Variants in TMC7 observed in about 807,000 individuals in gnomAD.
TMC7 encodes the protein transmembrane channel like 7, also known as transmembrane channel-like protein 7.
A neutral mutation model predicts 82.9 loss-of-function variants in TMC7; 54 were observed. The observed-to-expected ratio is 0.65, with a 90% CI of 0.52 to 0.82. TMC7 has a LOEUF of 0.82. Ranked by LOEUF, TMC7 falls within the 40% of genes least tolerant of loss-of-function variation. The probability of loss-of-function intolerance (pLI) is 0.00; values close to 1 mark genes in which losing one functional copy is unlikely to be tolerated. For missense variants in TMC7, 820 were observed against 901.2 expected, an observed-to-expected ratio of 0.91 and a Z score of 1.15; for synonymous variants, 350 against 337.9, an observed-to-expected ratio of 1.04 and a Z score of -0.39.
At chr16:19,040,517 G>T in intron 9 of TMC7, 71 bp downstream of exon 9, 2 of 1,401,076 alleles carry the variant, frequency 1.4e-6, no homozygotes, top group South Asian at 2.6e-5. Context: ...GCCCATGGCA[G>T]ACATCGCTAA....
At chr16:18,995,103 C>T (rs1317302386) in intron 1 of TMC7, among the ~76,000 whole-genome samples, 4 of 152,132 alleles carry the variant, frequency 2.6e-5, no homozygotes, top group African/African-American at 7.2e-5. Context: ...TAAAATGTCT[C>T]ATCCTAATAA....
chr16:19,059,296 T>C, intron 14 of TMC7, 120 bp from the exon 15 acceptor site: 8 of 1,505,526 alleles, frequency 5.3e-6, no homozygotes, highest in Admixed American at 2.1e-5. Flanking sequence ...TGAGCCATCA[T>C]GCCCAGCCTT....
At chr16:19,012,089 C>T (rs1251996164) in intron 2 of TMC7, 1 of 149,544 alleles carries the variant, frequency 6.7e-6, no homozygotes, top group African/African-American at 2.5e-5. Flanking sequence ...AAGATGGCAC[C>T]ACTGCACTTC....
At chr16:18,989,017 C>A (rs2038902144) in intron 1 of TMC7, among the ~76,000 whole-genome samples, 1 of 150,112 alleles carries the variant, frequency 6.7e-6, no homozygotes, top group Admixed American at 6.7e-5. Flanking sequence ...CATACCATTG[C>A]ACTCCAGCCT....
chr16:19,010,535 C>A (rs1020973248), intron 2 of TMC7, among the ~76,000 whole-genome samples: 2 of 152,168 alleles, frequency 1.3e-5, no homozygotes, highest in African/African-American at 2.4e-5. Context: ...CAGGCTCTTT[C>A]CATCTTGTGG....
chr16:19,004,126 T>G (rs1303571376), intron 1 of TMC7, among the ~76,000 whole-genome samples: 1 of 151,644 alleles, frequency 6.6e-6, no homozygotes, highest in Non-Finnish European at 1.5e-5. Context: ...GGTGACGTCA[T>G]GCTGGGAAAA....
chr16:19,021,959 T>G (rs1203552618), intron 4 of TMC7, among the ~76,000 whole-genome samples, 163 bp downstream of exon 4: 1 of 152,192 alleles, frequency 6.6e-6, no homozygotes, highest in African/African-American at 2.4e-5. Flanking sequence ...ATAATGCTCA[T>G]GCTGCTGTGG....
At chr16:19,027,101 C>A (rs1015169919) in intron 5 of TMC7, among the ~76,000 whole-genome samples, 1 of 117,536 alleles carries the variant, frequency 8.5e-6, no homozygotes, top group African/African-American at 3.3e-5. Context: ...GACAGAGTCT[C>A]GCTCTGTCAC....
intron 1 of TMC7, among the ~76,000 whole-genome samples, chr16:18,996,862 C>T (rs1435532875): frequency 6.6e-6 from 1 of 152,212 alleles, no homozygotes; most frequent in Non-Finnish European, 1.5e-5. Context: ...AATAATCAGG[C>T]AGGTGTCCCC....
intron 1 of TMC7, among the ~76,000 whole-genome samples, chr16:18,999,149 C>T (rs1478153362): frequency 6.6e-6 from 1 of 152,154 alleles, no homozygotes; most frequent in Non-Finnish European, 1.5e-5. Context: ...AGCGATCCTC[C>T]CACCTCAGCC....
intron 1 of TMC7, among the ~76,000 whole-genome samples, chr16:18,992,608 C>T (rs201223828): frequency 2.6e-5 from 4 of 151,970 alleles, no homozygotes; most frequent in African/African-American, 7.2e-5. Context: ...TTAATTAGAT[C>T]CCTTTTGTCA....
intron 10 of TMC7, 42 bp from the exon 11 acceptor site, chr16:19,045,299 C>A: frequency 6.5e-7 from 1 of 1,529,882 alleles, no homozygotes; most frequent in Non-Finnish European, 9.1e-7. Context: ...TTCTCTGCCT[C>A]AGCTAGGGTC....
At chr16:19,015,194 C>T (rs1324522570) in intron 2 of TMC7, among the ~76,000 whole-genome samples, 1 of 151,820 alleles carries the variant, frequency 6.6e-6, no homozygotes, top group Non-Finnish European at 1.5e-5. Flanking sequence ...GAACTCCTGG[C>T]TTCATGTGAT....
chr16:19,003,598 A>G (rs2039181374), intron 1 of TMC7, among the ~76,000 whole-genome samples: 2 of 146,256 alleles, frequency 1.4e-5, no homozygotes, highest in Admixed American at 6.9e-5. Flanking sequence ...AAGGCGGGAA[A>G]GGTGGGGAAA....
At chr16:18,998,021 C>T (rs945827250) in intron 1 of TMC7, among the ~76,000 whole-genome samples, 9 of 152,122 alleles carry the variant, frequency 5.9e-5, no homozygotes, top group African/African-American at 2.2e-4. Context: ...CGTGAGCCAC[C>T]AAGCCTGGCC....
In TMC7 at chr16:18,984,576, C is replaced by A. The variant is rs140138731; in HGVS notation, c.67+446C>A. Reference sequence around the variant, plus strand: ...GCCTTGTCTGTTTATTGCTGTGGGACCTTTGGTAAGTGGCTTGCCTTCTCT... The same window carrying A: ...GCCTTGTCTGTTTATTGCTGTGGGAACTTTGGTAAGTGGCTTGCCTTCTCT... On this transcript the variant is annotated intron_variant, in intron 1 of 15. Transcript: ENST00000304381. 6.3e-4 allele frequency: 615 copies of A among 981,986 alleles called. 4 individuals carry two copies. In the African/African-American group the frequency reaches 0.01, roughly 16 times the overall value. The allele number at this position is 981,986 out of a possible 1,614,324, so 60.8% of individuals were successfully genotyped here.
Position 19,021,474 on chromosome 16 carries a change from C to T in TMC7, c.461-155C>T, listed in dbSNP as rs751864964. ...GTGAAAAGTGAAAACACTAGAAGAT[C>T]GAGTCTTAAAGCTAACAATTGAGAA... On this transcript the variant is annotated intron_variant, in intron 3 of 15. Coordinates refer to ENST00000304381, the MANE Select transcript of TMC7 (RefSeq NM_024847.4). Among the ~76,000 whole-genome samples, 9 of 152,232 alleles carry T rather than the reference C, an allele frequency of 5.9e-5. No individual in the cohort carries two copies. The South Asian group carries it at 8.3e-4, about 14-fold the overall frequency.
chr16:19,011,919 A>C (rs1157755205), intron 2 of TMC7, among the ~76,000 whole-genome samples: 1 of 152,100 alleles, frequency 6.6e-6, no homozygotes, highest in Non-Finnish European at 1.5e-5. Context: ...AGGCAGGTGG[A>C]TCACTTGAGC....
intron 2 of TMC7, among the ~76,000 whole-genome samples, chr16:19,012,841 C>CAGAAAGG (rs1371222108): frequency 4.0e-5 from 5 of 125,326 alleles, no homozygotes; most frequent in Non-Finnish European, 6.7e-5. Flanking sequence ...GAAAAGGACA[C>CAGAAAGG]AGAAAGGAGA....
Sources: allele counts gnomAD v4.1 joint callset (sites outside exome capture counted in the v4.1 genomes callset), GRCh38; gene constraint gnomAD v4.1.1; transcripts MANE v1.5; gene names NCBI Gene and HGNC (gene_info 2026-07-23, HGNC 2026-07-21).